Variants in PTPRB observed in about 807,000 individuals in gnomAD.
PTPRB encodes protein tyrosine phosphatase receptor type B.
Under a neutral mutation model 238.1 loss-of-function variants are expected in PTPRB, and 97 were observed. The ratio of observed to expected loss-of-function variants is 0.41; its 90% CI spans 0.35 to 0.48. The LOEUF is 0.48. Ranked by LOEUF, PTPRB falls within the 20% of genes least tolerant of loss-of-function variation. The pLI is 0.30. For synonymous variants in PTPRB, 970 were observed against 995.4 expected (o/e 0.97, Z 0.48); for missense variants, 2,292 against 2,681.9 (o/e 0.85, Z 3.21).
At chr12:70,555,643 G>A (rs546659995) in intron 19 of PTPRB, among the ~76,000 whole-genome samples, 3 of 152,238 alleles carry the variant, frequency 2.0e-5, no homozygotes, top group Admixed American at 2.0e-4. Context: ...AACTCATTCA[G>A]GTACTTTAAG....
At chr12:70,595,875 C>T (rs1321932269) in intron 5 of PTPRB, among the ~76,000 whole-genome samples, 174 bp downstream of exon 5, 1 of 152,128 alleles carries the variant, frequency 6.6e-6, no homozygotes. Context: ...AGCCACGCAT[C>T]CTATTTTCAG....
In PTPRB at chr12:70,519,843, T is replaced by G. The variant is rs971556246; in HGVS notation, c.*1646A>C. The G allele has an allele frequency of 6.1e-6, 1 of 165,118 alleles. No homozygotes were observed. The allele number at this position is 165,118 out of a possible 1,614,324, so 10.2% of individuals were successfully genotyped here. A position where few individuals can be genotyped will look rare whatever the true frequency, so the allele number is the denominator to read the frequency against. On this transcript the variant is annotated 3_prime_UTR_variant, in exon 34 of 34. Coordinates refer to ENST00000334414, the MANE Select transcript of PTPRB (RefSeq NM_001109754.4). ...CAATGAAACTGTGAATCTTTGAAGC[T>G]TATGATTATGCTTCACATTTTTGTA...
Position 70,587,078 on chromosome 12 carries a change from C to T in PTPRB, c.2240G>A (p.Arg747Gln), listed in dbSNP as rs184275696. Reference sequence around the variant, plus strand: ...ACTGGTGACTGTAGCCATGTATTTTCGTCCAGGCACCAGGTCAGTAAAAGT... The same window carrying T: ...ACTGGTGACTGTAGCCATGTATTTTTGTCCAGGCACCAGGTCAGTAAAAGT... The part of the protein sequence containing the change: ...EFTFTDLVPG[R>Q]KYMATVTSIS... Residue 747 changes from arginine (R) to glutamine (Q), a missense_variant, in exon 9 of 34, where the codon CGA becomes CAA. By Grantham distance (43) the Arg-to-Gln change is conservative. Around this residue, in one of 4 missense-constraint regions of PTPRB, gnomAD observed 1,205 missense variants for 1,287.8 expected, o/e 0.94. Transcript: ENST00000334414. 19 of 1,613,706 alleles carry T rather than the reference C, an allele frequency of 1.2e-5. 1 individual carries two copies. Among genetic ancestry groups the T allele is most frequent in the Middle Eastern group, 1.6e-4 (1 of 6,062 alleles).
intron 4 of PTPRB, among the ~76,000 whole-genome samples, chr12:70,605,277 T>C (rs1159992017): frequency 6.6e-6 from 1 of 152,236 alleles, no homozygotes; most frequent in Non-Finnish European, 1.5e-5. Flanking sequence ...ATATTTTTAG[T>C]ATATGTACAT....
At chr12:70,637,103 AT>A (rs1885738194) in intron 1 of PTPRB, among the ~76,000 whole-genome samples, 1 of 152,182 alleles carries the variant, frequency 6.6e-6, no homozygotes, top group Admixed American at 6.5e-5. Flanking sequence ...TAAATGTATC[AT>A]TTCAGGGGCT....
rs1053214272 is a variant in PTPRB at position 70,555,012 on chromosome 12, C to G, written c.5143+148G>C. On this transcript the variant is annotated intron_variant, in intron 20 of 33. Transcript: ENST00000334414. The stretch of plus-strand genomic sequence containing the variant: ...CTTTGAGCAGCTTTTTCTTACATCT[C>G]CCTGTATCCAGCAGAGAGAGGGGTG... 5.7e-5 allele frequency: 50 copies of G among 871,278 alleles called. No individual in the cohort carries two copies. The Admixed American group carries it at 1.5e-3, about 27-fold the overall frequency. The allele number at this position is 871,278 out of a possible 1,614,324, so 54.0% of individuals were successfully genotyped here.
At chr12:70,599,976 GTT>G (rs11471163) in intron 4 of PTPRB, among the ~76,000 whole-genome samples, 7,061 of 137,926 alleles carry the variant, frequency 0.051, 358 homozygotes, top group East Asian at 0.21. Flanking sequence ...GAAAGACCCT[GTT>G]TTTTTTTTTT....
intron 10 of PTPRB, among the ~76,000 whole-genome samples, chr12:70,578,235 T>G (rs1313590123): frequency 6.6e-6 from 1 of 152,202 alleles, no homozygotes; most frequent in African/African-American, 2.4e-5. Context: ...TTTATATGTT[T>G]CAACTCAGTG....
intron 18 of PTPRB, among the ~76,000 whole-genome samples, chr12:70,556,822 C>A (rs1014827269): frequency 6.6e-6 from 1 of 152,222 alleles, no homozygotes; most frequent in Admixed American, 6.5e-5. Context: ...ATGTCCTCCT[C>A]TGAAGCCATG....
In PTPRB at chr12:70,592,332, C is replaced by T. The variant is rs758904178; in HGVS notation, c.1730G>A (p.Ser577Asn). 1 of 1,614,022 alleles carries T rather than the reference C, an allele frequency of 6.2e-7. No homozygotes were observed. The highest frequency in any genetic ancestry group is 2.2e-5 in the East Asian group (1 of 44,882). ...AGCAGACAGTTCACCAGAGACACAG[C>T]TGACAGTAACTTGATAAAGTCGACC... The part of the protein sequence containing the change: ...VPGRLYQVTV[S>N]CVSGELSAQK... The change falls in exon 7 of 34, where the codon AGC becomes AAC. Residue 577 changes from serine to asparagine, a missense_variant. By Grantham distance (46) the Ser-to-Asn change is conservative. Coordinates refer to ENST00000334414, the MANE Select transcript of PTPRB (RefSeq NM_001109754.4).
At chr12:70,601,997 G>A (rs952819806) in intron 4 of PTPRB, among the ~76,000 whole-genome samples, 15 of 151,516 alleles carry the variant, frequency 9.9e-5, no homozygotes, top group Non-Finnish European at 1.9e-4. Flanking sequence ...GGGTTTCACC[G>A]TGTTAGCCAG....
rs1431061459 is a variant in PTPRB at position 70,519,771 on chromosome 12, A to G, written c.*1718T>C. ...TCCAGAAGATTCACTTAGTTCCTTGATACAGAATCAGAGCTTAAGACTGTC... is the reference window on the plus strand; with the variant it reads ...TCCAGAAGATTCACTTAGTTCCTTGGTACAGAATCAGAGCTTAAGACTGTC... On this transcript the variant is annotated 3_prime_UTR_variant, in exon 34 of 34. Transcript: ENST00000334414. The G allele has an allele frequency of 6.5e-6, 1 of 154,098 alleles. No homozygotes were observed. Among genetic ancestry groups the G allele is most frequent in the Non-Finnish European group, 1.4e-5 (1 of 69,482 alleles). The allele number at this position is 154,098 out of a possible 1,614,324, so 9.5% of individuals were successfully genotyped here.
chr12:70,610,853 G>A (rs1386396434), intron 3 of PTPRB, among the ~76,000 whole-genome samples: 2 of 151,902 alleles, frequency 1.3e-5, no homozygotes, highest in Non-Finnish European at 2.9e-5. Flanking sequence ...TCTCATTTGT[G>A]GAAACTACTG....
At position 70,540,861 on chromosome 12, in the gene PTPRB, A is replaced by C. The variant is rs1874967533; in HGVS notation, c.5591T>G (p.Val1864Gly). Residue 1864 changes from valine to glycine, a missense_variant, in exon 23 of 34, where the codon GTG becomes GGG. Coordinates refer to ENST00000334414, the MANE Select transcript of PTPRB (RefSeq NM_001109754.4). Reference protein sequence around the residue: ...VVALLICRQKVSHGRERPSAR... With the variant: ...VVALLICRQKGSHGRERPSAR... The stretch of plus-strand genomic sequence containing the variant: ...CCAAAAGGATCTTTGTACTTACCTC[A>C]CTTTCTGTCTGCAGATCAATAAGGC... 1.3e-6 allele frequency: 2 copies of C among 1,595,334 alleles called. No homozygotes were observed. Among genetic ancestry groups the C allele is most frequent in the African/African-American group, 2.7e-5 (2 of 74,654 alleles).
intron 15 of PTPRB, among the ~76,000 whole-genome samples, chr12:70,563,763 T>C (rs973769081): frequency 4.6e-5 from 7 of 152,058 alleles, no homozygotes; most frequent in African/African-American, 1.7e-4. Flanking sequence ...CCCTCTCTCC[T>C]CCTTCTTCTA....
At chr12:70,582,988 G>T (rs1407768999) in intron 9 of PTPRB, among the ~76,000 whole-genome samples, 2 of 152,108 alleles carry the variant, frequency 1.3e-5, no homozygotes, top group Admixed American at 1.3e-4. Flanking sequence ...AACCACATGA[G>T]CTATCATTAT....
At chr12:70,568,361 G>A (rs1029608240) in intron 14 of PTPRB, among the ~76,000 whole-genome samples, 1 of 152,156 alleles carries the variant, frequency 6.6e-6, no homozygotes, top group African/African-American at 2.4e-5. Flanking sequence ...GCAGTGGCAT[G>A]ATCTCAGCTC....
chr12:70,626,345 ATC>A (rs1566023252), intron 2 of PTPRB, among the ~76,000 whole-genome samples: 24 of 146,786 alleles, frequency 1.6e-4, no homozygotes, highest in Middle Eastern at 3.4e-3. Context: ...CTATCTATCT[ATC>A]TATCTATCTA....
chr12:70,577,507 A>G (rs1880917280), intron 10 of PTPRB, among the ~76,000 whole-genome samples: 1 of 152,218 alleles, frequency 6.6e-6, no homozygotes, highest in African/African-American at 2.4e-5. Context: ...ACATATCAGA[A>G]ATAGGTGCCC....
Sources: gnomAD v4.1 joint callset for allele counts (sites outside exome capture counted in the v4.1 genomes callset) on GRCh38, gnomAD v4.1.1 for gene constraint, gnomAD v4.1.1 regional missense constraint, MANE v1.5 for transcripts, NCBI Gene and HGNC (gene_info 2026-07-23, HGNC 2026-07-21) for gene names.